Variants in CNBD1 observed in about 807,000 individuals in gnomAD.
CNBD1 encodes cyclic nucleotide-binding domain-containing protein 1.
A neutral mutation model predicts 54.4 loss-of-function variants in CNBD1; 71 were observed. The ratio of observed to expected loss-of-function variants is 1.30; its 90% CI spans 1.08 to 1.59. The LOEUF is 1.59. Ranked by LOEUF, CNBD1 falls within the 40% of genes most tolerant of loss-of-function variation. CNBD1 has a pLI of 0.00. For missense variants in CNBD1, 659 were observed against 518.0 expected (o/e 1.27, Z -2.64); for synonymous variants, 182 against 170.7 (o/e 1.07, Z -0.51).
intron 2 of CNBD1, among the ~76,000 whole-genome samples, chr8:87,415,261 G>A (rs771915256): frequency 2.6e-5 from 4 of 152,014 alleles, no homozygotes; most frequent in East Asian, 1.9e-4. Flanking sequence ...CTCATACTCA[G>A]ACTGTCTAAT....
At chr8:86,946,967 G>C (rs751957252) in intron 4 of CNBD1, among the ~76,000 whole-genome samples, 16 of 152,170 alleles carry the variant, frequency 1.1e-4, no homozygotes, top group Middle Eastern at 3.4e-3. Flanking sequence ...TGTACTCGAG[G>C]ATTTACCTCA....
chr8:87,376,220 T>A (rs1158765983), intron 10 of CNBD1, among the ~76,000 whole-genome samples: 2 of 151,850 alleles, frequency 1.3e-5, no homozygotes, highest in Admixed American at 1.3e-4. Context: ...TCCCATAGTT[T>A]TGGAGGGCAA....
At chr8:87,404,681 G>A (rs939920346) in intron 2 of CNBD1, among the ~76,000 whole-genome samples, 1 of 151,926 alleles carries the variant, frequency 6.6e-6, no homozygotes, top group African/African-American at 2.4e-5. Flanking sequence ...GTTTAAATTT[G>A]GGTTTAGCTG....
At chr8:86,875,945 G>A (rs529226719) in intron 1 of CNBD1, among the ~76,000 whole-genome samples, 1 of 151,922 alleles carries the variant, frequency 6.6e-6, no homozygotes, top group African/African-American at 2.4e-5. Flanking sequence ...TATGTTGCCG[G>A]GCACTATACC....
At position 87,326,347 on chromosome 8, in the gene CNBD1, G is replaced by A. The variant is rs1385044360; in HGVS notation, c.1043-25338G>A. Among the ~76,000 whole-genome samples, 4 of 125,044 alleles carry A rather than the reference G, an allele frequency of 3.2e-5. 1 individual carries two copies. Among genetic ancestry groups the A allele is most frequent in the Non-Finnish European group, 3.6e-5 (2 of 55,444 alleles). The allele number at this position is 125,044 out of a possible 152,430, so 82.0% of individuals were successfully genotyped here. ...CTGTATTTCCTGAATCTGAACGTTG[G>A]CCTGCCTTGCTAGATTGGGGAAGTT... On this transcript the variant is annotated intron_variant, in intron 8 of 10. Transcript: ENST00000518476.
chr8:86,940,151 T>TTTTA (rs1809627546), intron 4 of CNBD1, among the ~76,000 whole-genome samples: 1 of 15,778 alleles, frequency 6.3e-5, no homozygotes, highest in African/African-American at 6.2e-4. Context: ...TTTTTTTTTT[T>TTTTA]GAGACTGTTG....
intron 4 of CNBD1, among the ~76,000 whole-genome samples, chr8:87,185,557 C>T (rs1813456950): frequency 6.6e-6 from 1 of 152,052 alleles, no homozygotes; most frequent in East Asian, 1.9e-4. Flanking sequence ...ACATTTTTTT[C>T]CTAATGCATA....
chr8:86,935,916 G>A (rs1809538863), intron 3 of CNBD1, among the ~76,000 whole-genome samples: 1 of 152,092 alleles, frequency 6.6e-6, no homozygotes, highest in African/African-American at 2.4e-5. Flanking sequence ...GGTGGAGGCA[G>A]GAGTGGATCA....
At chr8:87,378,995 C>T (rs542712304) in intron 10 of CNBD1, among the ~76,000 whole-genome samples, 1 of 149,470 alleles carries the variant, frequency 6.7e-6, no homozygotes, top group Admixed American at 6.7e-5. Context: ...GATTTTTGCA[C>T]ATTGATTTTG....
At chr8:87,087,556 C>T (rs1210277717) in intron 4 of CNBD1, among the ~76,000 whole-genome samples, 2 of 150,750 alleles carry the variant, frequency 1.3e-5, no homozygotes, top group African/African-American at 4.9e-5. Flanking sequence ...CTCCGCCTCC[C>T]GGGTTCACGC....
chr8:87,120,907 T>A (rs1373590572), intron 4 of CNBD1, among the ~76,000 whole-genome samples: 1 of 152,016 alleles, frequency 6.6e-6, no homozygotes, highest in African/African-American at 2.4e-5. Flanking sequence ...AGCATCAGAT[T>A]TGTGCTGGGC....
chr8:87,285,500 G>A (rs1425805518), intron 7 of CNBD1, among the ~76,000 whole-genome samples: 4 of 152,162 alleles, frequency 2.6e-5, no homozygotes, highest in Non-Finnish European at 2.9e-5. Context: ...CACTTTGGGA[G>A]GCCGAGGAGG....
chr8:87,153,965 C>T (rs1431758), intron 4 of CNBD1, among the ~76,000 whole-genome samples: 68,318 of 151,840 alleles, frequency 0.45, 15,600 homozygotes, highest in Non-Finnish European at 0.47. Flanking sequence ...AGTAGTGGCA[C>T]GGAACTGAAG....
chr8:87,174,739 T>C (rs1207459589), intron 4 of CNBD1, among the ~76,000 whole-genome samples: 1 of 152,178 alleles, frequency 6.6e-6, no homozygotes, highest in Non-Finnish European at 1.5e-5. Context: ...TTTTCAGGTA[T>C]TGAAAAGGAC....
At chr8:86,897,254 A>G (rs979409373) in intron 2 of CNBD1, among the ~76,000 whole-genome samples, 8 of 152,226 alleles carry the variant, frequency 5.3e-5, no homozygotes, top group Non-Finnish European at 1.2e-4. Context: ...CAAATCAGCC[A>G]TGATGCAATG....
chr8:87,114,911 T>C (rs1372523130), intron 4 of CNBD1, among the ~76,000 whole-genome samples: 2 of 152,144 alleles, frequency 1.3e-5, no homozygotes, highest in African/African-American at 4.8e-5. Flanking sequence ...CTTTAGGAGG[T>C]TGTCTTCTAG....
At chr8:87,423,393 T>G (rs1292536826) in intron 2 of CNBD1, among the ~76,000 whole-genome samples, 1 of 151,286 alleles carries the variant, frequency 6.6e-6, no homozygotes, top group Non-Finnish European at 1.5e-5. Flanking sequence ...GCCCATTCAG[T>G]ATGATATTGG....
chr8:87,378,889 C>A (rs555787233), intron 10 of CNBD1, among the ~76,000 whole-genome samples: 24 of 149,044 alleles, frequency 1.6e-4, no homozygotes, highest in Admixed American at 8.7e-4. Context: ...AAGTTGGATT[C>A]CTAGGTATTT....
chr8:87,022,618 A>G (rs1268616314), intron 4 of CNBD1, among the ~76,000 whole-genome samples: 1 of 152,202 alleles, frequency 6.6e-6, no homozygotes, highest in Non-Finnish European at 1.5e-5. Flanking sequence ...CTGCCCTTAA[A>G]TTTATTAAAT....
Sources: gnomAD v4.1 joint callset for allele counts (sites outside exome capture counted in the v4.1 genomes callset) on GRCh38, gnomAD v4.1.1 for gene constraint, MANE v1.5 for transcripts, NCBI Gene and HGNC (gene_info 2026-07-23, HGNC 2026-07-21) for gene names.